ZNF486: variants seen among roughly 807,000 people sequenced by gnomAD.
The protein encoded by ZNF486 is KRAB box only protein 2.
ZNF486 carries 12 observed loss-of-function variants against 12.8 expected under a neutral mutation model. That is an observed-to-expected ratio of 0.94 (90% confidence interval 0.60 to 1.52). The LOEUF is 1.52. Ranked by LOEUF, ZNF486 falls within the 40% of genes most tolerant of loss-of-function variation. The pLI is 0.00. For synonymous variants in ZNF486, 231 were observed against 184.9 expected (o/e 1.25, Z -2.02); for missense variants, 738 against 545.0 (o/e 1.35, Z -3.53).
chr19:20,198,042 C>T lies in ZNF486; in HGVS notation c.1332C>T (p.Asn444=). The T allele has an allele frequency of 6.2e-7, 1 of 1,612,088 alleles. No homozygotes were observed. Among genetic ancestry groups the T allele is most frequent in the Non-Finnish European group, 8.5e-7 (1 of 1,178,892 alleles). The change falls in exon 4 of 4, where the codon AAC becomes AAT. Residue 444 remains asparagine, a synonymous_variant. Coordinates refer to ENST00000335117, the MANE Select transcript of ZNF486 (RefSeq NM_052852.4). ...GTAAAGAATGTGGCAAAGCTTTTAA[C>T]TGGTCCTCAGACCTTAATAAACATA... ...YKCKECGKAF[N]WSSDLNKHKR... is the part of the protein sequence containing the mutation.
chr19:20,193,573 A>T (rs1237117484), intron 3 of ZNF486, among the ~76,000 whole-genome samples: 4 of 152,278 alleles, frequency 2.6e-5, no homozygotes, highest in Admixed American at 2.6e-4. Flanking sequence ...AAGCAGGAGA[A>T]TTGCTTGAAC....
chr19:20,180,008 G>GC (rs1378807755), intron 1 of ZNF486, among the ~76,000 whole-genome samples: 1 of 152,200 alleles, frequency 6.6e-6, no homozygotes, highest in Non-Finnish European at 1.5e-5. Context: ...AGGTTCTGGA[G>GC]CTCCACCAAG....
intron 1 of ZNF486, among the ~76,000 whole-genome samples, chr19:20,167,974 T>A (rs1032883145): frequency 6.6e-6 from 1 of 152,132 alleles, no homozygotes; most frequent in Admixed American, 6.5e-5. Context: ...TGGAAAAAGT[T>A]TGGGTCTAAG....
At chr19:20,189,578 C>T (rs1809773948) in intron 3 of ZNF486, among the ~76,000 whole-genome samples, 1 of 151,974 alleles carries the variant, frequency 6.6e-6, no homozygotes, top group Admixed American at 6.6e-5. Context: ...TTTTTAATTT[C>T]TCTACAAATC....
In ZNF486 at chr19:20,186,097, AAATG is replaced by A; in HGVS notation, c.253+18_253+21del. 6.4e-7 allele frequency: 1 copy of A among 1,566,376 alleles called. No individual in the cohort carries two copies. Among genetic ancestry groups the A allele is most frequent in the South Asian group, 1.2e-5 (1 of 82,784 alleles). On this transcript the variant is annotated intron_variant, in intron 3 of 3. Coordinates refer to ENST00000335117, the MANE Select transcript of ZNF486 (RefSeq NM_052852.4). The stretch of plus-strand genomic sequence containing the variant: ...CAAACCCCCAGGTAGGTGCGAATGA[AAATG>A]AACACAACAGACAATGCAGATAAGA...
intron 1 of ZNF486, among the ~76,000 whole-genome samples, chr19:20,173,904 ATTT>A (rs782521683): frequency 6.6e-6 from 1 of 151,622 alleles, no homozygotes; most frequent in Non-Finnish European, 1.5e-5. Context: ...ATATATAGTT[ATTT>A]TTCTCTGATT....
intron 3 of ZNF486, among the ~76,000 whole-genome samples, chr19:20,194,676 C>T (rs1238199065): frequency 1.3e-5 from 2 of 151,796 alleles, no homozygotes; most frequent in Non-Finnish European, 2.9e-5. Flanking sequence ...TGCAGTGAGC[C>T]AAGATTGCAT....
chr19:20,175,441 C>CA (rs1471348630), intron 1 of ZNF486: 1 of 148,862 alleles, frequency 6.7e-6, no homozygotes, highest in Non-Finnish European at 1.5e-5. Flanking sequence ...AACAAGTGAA[C>CA]AAAGGTCTCT....
intron 1 of ZNF486, among the ~76,000 whole-genome samples, chr19:20,177,425 C>A (rs2089732042): frequency 6.6e-6 from 1 of 152,208 alleles, no homozygotes. Context: ...ATGGCCTCTT[C>A]AATTTCCAGG....
At chr19:20,186,211 T>TTTAA (rs1210452616) in intron 3 of ZNF486, 129 bp downstream of exon 3, 2 of 411,572 alleles carry the variant, frequency 4.9e-6, no homozygotes, top group Admixed American at 1.2e-4. Context: ...GGGCAGCTGT[T>TTTAA]TTATTTATTT....
chr19:20,180,518 C>T (rs11879504), intron 1 of ZNF486, among the ~76,000 whole-genome samples: 11,246 of 152,096 alleles, frequency 0.074, 613 homozygotes, highest in African/African-American at 0.16. Context: ...CACTTTATGC[C>T]GTTATGACTT....
chr19:20,168,746 CA>C (rs2089612652), intron 1 of ZNF486, among the ~76,000 whole-genome samples: 1 of 152,068 alleles, frequency 6.6e-6, no homozygotes, highest in African/African-American at 2.4e-5. Flanking sequence ...CACTTAGTTT[CA>C]AAAACCAAGT....
intron 3 of ZNF486, among the ~76,000 whole-genome samples, chr19:20,187,891 A>T (rs1275872873): frequency 1.3e-5 from 2 of 151,798 alleles, no homozygotes; most frequent in African/African-American, 2.4e-5. Context: ...TGTAGTGGAG[A>T]GGGGGTGTAG....
chr19:20,174,921 G>C (rs1221685052), intron 1 of ZNF486: 1 of 152,072 alleles, frequency 6.6e-6, no homozygotes. Flanking sequence ...ATGTGATGTG[G>C]CCACCCAAAA....
At chr19:20,178,832 T>A (rs1555715190) in intron 1 of ZNF486, among the ~76,000 whole-genome samples, 1 of 152,222 alleles carries the variant, frequency 6.6e-6, no homozygotes, top group African/African-American at 2.4e-5. Flanking sequence ...ATGACTCCTG[T>A]ATCTTCAGAC....
Position 20,191,727 on chromosome 19 carries a change from G to A in ZNF486, c.254-5237G>A, listed in dbSNP as rs145573785. Among the ~76,000 whole-genome samples the A allele has an allele frequency of 8.6e-4, 130 of 151,726 alleles. 1 individual carries two copies. The East Asian group carries it at 0.019, about 23-fold the overall frequency. ...GGAGCTTGTAGTGAGCTGAGATTGC[G>A]CCACTGTACTCCAGCCTGGGCAAAA... On this transcript the variant is annotated intron_variant, in intron 3 of 3. Coordinates refer to ENST00000335117, the MANE Select transcript of ZNF486 (RefSeq NM_052852.4).
At chr19:20,186,136 G>T (rs1323962222) in intron 3 of ZNF486, 54 bp downstream of exon 3, 1 of 1,410,676 alleles carries the variant, frequency 7.1e-7, no homozygotes, top group Non-Finnish European at 9.5e-7. Context: ...AGGTCCCAAG[G>T]TCAAAAAGAA....
At chr19:20,178,065 AG>A (rs2089742199) in intron 1 of ZNF486, among the ~76,000 whole-genome samples, 2 of 150,178 alleles carry the variant, frequency 1.3e-5, no homozygotes, top group Admixed American at 1.3e-4. Flanking sequence ...CTGGGATTAC[AG>A]GTGCCTGCCA....
In ZNF486 at chr19:20,197,187, T is replaced by A. The variant is rs959161048; in HGVS notation, c.477T>A (p.Tyr159Ter). Residue 159 changes from tyrosine to a stop codon, truncating the protein, a stop_gained, in exon 4 of 4, where the codon TAT becomes TAA. Transcript: ENST00000335117. LOFTEE classifies it low-confidence loss of function (END_TRUNC). ...TQSKIFQCGK[Y>*]VKVFHQFSNS... ...GCAAAATATTTCAATGTGGTAAATA[T>A]GTGAAAGTCTTTCATCAATTTTCAA... 1.2e-6 allele frequency: 2 copies of A among 1,613,382 alleles called. No homozygotes were observed. The highest frequency in any genetic ancestry group is 1.7e-6 in the Non-Finnish European group (2 of 1,179,838).
Sources: allele counts gnomAD v4.1 joint callset (sites outside exome capture counted in the v4.1 genomes callset), GRCh38; gene constraint gnomAD v4.1.1; transcripts MANE v1.5; gene names NCBI Gene and HGNC (gene_info 2026-07-23, HGNC 2026-07-21).